SCML4: variants seen among roughly 807,000 people sequenced by gnomAD.
The protein encoded by SCML4 is Scm polycomb group protein like 4.
A neutral mutation model predicts 41.1 loss-of-function variants in SCML4; 34 were observed. The ratio of observed to expected loss-of-function variants is 0.83; its 90% CI spans 0.63 to 1.10. The LOEUF (loss-of-function observed/expected upper bound fraction) is 1.10. SCML4 is among the 50% of genes least tolerant of loss of function. The probability of loss-of-function intolerance (pLI) is 0.00; values close to 1 mark genes in which losing one functional copy is unlikely to be tolerated. For synonymous variants in SCML4, 214 were observed against 220.9 expected, an observed-to-expected ratio of 0.97 and a Z score of 0.28; for missense variants, 522 against 534.1, an observed-to-expected ratio of 0.98 and a Z score of 0.22.
At chr6:107,805,214 A>C (rs541514368) in intron 1 of SCML4, among the ~76,000 whole-genome samples, 1 of 152,274 alleles carries the variant, frequency 6.6e-6, no homozygotes, top group Admixed American at 6.5e-5. Context: ...TCAAAACCAT[A>C]TGGCCCCCAA....
chr6:107,733,619 C>T (rs935601292), intron 5 of SCML4, among the ~76,000 whole-genome samples: 1 of 152,204 alleles, frequency 6.6e-6, no homozygotes, highest in Non-Finnish European at 1.5e-5. Flanking sequence ...GGGTCCGCCA[C>T]AGGGGCTCAG....
chr6:107,764,547 G>T (rs1252103714), intron 2 of SCML4, among the ~76,000 whole-genome samples: 1 of 152,112 alleles, frequency 6.6e-6, no homozygotes, highest in Non-Finnish European at 1.5e-5. Context: ...TGATGAGGTG[G>T]GGAGGGCTCC....
chr6:107,733,237 A>G (rs1288550077), intron 5 of SCML4, among the ~76,000 whole-genome samples: 1 of 152,228 alleles, frequency 6.6e-6, no homozygotes, highest in Non-Finnish European at 1.5e-5. Context: ...TTTATGACAC[A>G]GCAAAAGATA....
intron 6 of SCML4, among the ~76,000 whole-genome samples, chr6:107,713,430 C>A (rs1210148738): frequency 6.6e-6 from 1 of 152,200 alleles, no homozygotes; most frequent in African/African-American, 2.4e-5. Flanking sequence ...GCTGTTCCCA[C>A]TAAGGGAGTC....
At chr6:107,826,185 A>G (rs543074146), upstream of SCML4, among the ~76,000 whole-genome samples, 3 of 151,872 alleles carry the variant, frequency 2.0e-5, no homozygotes, top group South Asian at 2.1e-4. Flanking sequence ...GAGAGGTTGC[A>G]GTGAGCTGAG....
chr6:107,787,541 G>A (rs1259187180), intron 1 of SCML4, among the ~76,000 whole-genome samples: 2 of 152,192 alleles, frequency 1.3e-5, no homozygotes, highest in African/African-American at 2.4e-5. Flanking sequence ...TTGAGAAAGC[G>A]CTGGTGGTTT....
At chr6:107,747,052 A>G (rs891423196) in intron 3 of SCML4, among the ~76,000 whole-genome samples, 163 bp from the exon 4 acceptor site, 1 of 152,236 alleles carries the variant, frequency 6.6e-6, no homozygotes, top group Non-Finnish European at 1.5e-5. Context: ...CTTAAGAAGT[A>G]AAAGAGGCAA....
intron 1 of SCML4, among the ~76,000 whole-genome samples, chr6:107,787,247 C>T (rs771469138): frequency 1.3e-5 from 2 of 152,264 alleles, no homozygotes; most frequent in South Asian, 2.1e-4. Flanking sequence ...ATGAAATAAC[C>T]GGGTGAATAG....
chr6:107,747,763 A>T (rs1427726725), intron 3 of SCML4, among the ~76,000 whole-genome samples: 1 of 152,198 alleles, frequency 6.6e-6, no homozygotes, highest in East Asian at 1.9e-4. Context: ...TAGCAGGAAG[A>T]TTTTGTACAG....
intron 1 of SCML4, among the ~76,000 whole-genome samples, chr6:107,779,510 G>T (rs1178545595): frequency 6.6e-6 from 1 of 152,154 alleles, no homozygotes; most frequent in Non-Finnish European, 1.5e-5. Flanking sequence ...GGCTTCTGTT[G>T]TTTCTGTAAG....
intron 2 of SCML4, among the ~76,000 whole-genome samples, chr6:107,761,182 G>A (rs1779557225): frequency 6.6e-6 from 1 of 152,096 alleles, no homozygotes; most frequent in Non-Finnish European, 1.5e-5. Flanking sequence ...TATTTGAAGA[G>A]ATAATAGCAG....
chr6:107,808,928 T>C (rs1307748557), intron 1 of SCML4, among the ~76,000 whole-genome samples: 1 of 152,192 alleles, frequency 6.6e-6, no homozygotes, highest in Non-Finnish European at 1.5e-5. Context: ...GGAATCTATC[T>C]GAGATTATTA....
rs781322087 is a variant in SCML4 at position 107,749,803 on chromosome 6, C to T, written c.167G>A (p.Arg56Gln). The T allele has an allele frequency of 9.3e-6, 15 of 1,613,986 alleles. No individual in the cohort carries two copies. Among genetic ancestry groups the T allele is most frequent in the Admixed American group, 3.3e-5 (2 of 60,006 alleles). The change falls in exon 3 of 8, where the codon CGG (arginine) becomes CAG (glutamine). Residue 56 changes from arginine to glutamine, a missense_variant. Transcript: ENST00000369020. ...GAGGGCTAAGGGAGTCATGAGAACC[C>T]GAGACTTGATCTGGAAGAGAGAGCC... ...GRKPGYKIKSRVLMTPLALSP... is the reference protein window; with the variant it reads ...GRKPGYKIKSQVLMTPLALSP...
At chr6:107,784,063 C>T (rs921278856) in intron 1 of SCML4, among the ~76,000 whole-genome samples, 3 of 152,166 alleles carry the variant, frequency 2.0e-5, no homozygotes, top group African/African-American at 7.2e-5. Flanking sequence ...GCGACCATTT[C>T]CTGCATTAAA....
At chr6:107,812,886 C>CACAA (rs1329619457) in intron 1 of SCML4, among the ~76,000 whole-genome samples, 2 of 149,934 alleles carry the variant, frequency 1.3e-5, no homozygotes, top group East Asian at 3.9e-4. Flanking sequence ...CACATACACA[C>CACAA]ACACACACAC....
the SCML4 span, among the ~76,000 whole-genome samples, chr6:107,843,912 T>C: frequency 1.4e-5 from 2 of 146,038 alleles, no homozygotes; most frequent in Non-Finnish European, 3.0e-5. Flanking sequence ...TGCACTGTGC[T>C]TTCTCCACCA....
At chr6:107,746,415 A>G (rs1012872789) in intron 4 of SCML4, 2 of 428,170 alleles carry the variant, frequency 4.7e-6, no homozygotes, top group Non-Finnish European at 8.2e-6. Context: ...AGTGGAGAAA[A>G]AAAAGCAAAA....
intron 2 of SCML4, among the ~76,000 whole-genome samples, chr6:107,764,879 G>A (rs369655446): frequency 3.9e-5 from 6 of 152,154 alleles, no homozygotes; most frequent in African/African-American, 7.2e-5. Flanking sequence ...AACCCCTTTC[G>A]CTTGACTCTC....
intron 6 of SCML4, among the ~76,000 whole-genome samples, chr6:107,710,095 G>A (rs185344298): frequency 8.0e-4 from 122 of 152,220 alleles, no homozygotes; most frequent in Non-Finnish European, 1.4e-3. Flanking sequence ...AATTATTTAT[G>A]AACTTCTCTA....
Sources: gnomAD v4.1 joint callset for allele counts (sites outside exome capture counted in the v4.1 genomes callset) on GRCh38, gnomAD v4.1.1 for gene constraint, MANE v1.5 for transcripts, NCBI Gene and HGNC (gene_info 2026-07-23, HGNC 2026-07-21) for gene names.